Variants in WDR3 observed in about 807,000 individuals in gnomAD.
WDR3 encodes WD repeat domain 3.
In WDR3, 81 loss-of-function variants were observed where a neutral mutation model predicts 123.7. The ratio of observed to expected loss-of-function variants is 0.65; its 90% CI spans 0.55 to 0.79. The LOEUF (loss-of-function observed/expected upper bound fraction) is 0.79. WDR3 is among the 30% of genes least tolerant of loss of function. The probability of loss-of-function intolerance (pLI) is 0.00; values close to 1 mark genes in which losing one functional copy is unlikely to be tolerated. For synonymous variants in WDR3, 390 were observed against 388.8 expected (o/e 1.00, Z -0.04); for missense variants, 1,027 against 1,123.2 (o/e 0.91, Z 1.22).
At chr1:117,959,085 C>G in intron 26 of WDR3, 82 bp downstream of exon 26, 1 of 1,405,916 alleles carries the variant, frequency 7.1e-7, no homozygotes, top group Non-Finnish European at 9.9e-7. Context: ...TGTGCTTTGT[C>G]TTTAGCAATA....
intron 9 of WDR3, 92 bp downstream of exon 9, chr1:117,941,939 C>T: frequency 6.9e-7 from 1 of 1,453,762 alleles, no homozygotes; most frequent in South Asian, 1.5e-5. Flanking sequence ...TATTTACTGT[C>T]TTATCAATTA....
intron 6 of WDR3, among the ~76,000 whole-genome samples, chr1:117,940,446 A>G (rs1168791495): frequency 6.6e-6 from 1 of 152,188 alleles, no homozygotes; most frequent in Non-Finnish European, 1.5e-5. Context: ...CTCCTGGGCC[A>G]GGCACAGTGG....
At chr1:117,949,192 C>T (rs1349575584) in intron 13 of WDR3, among the ~76,000 whole-genome samples, 3 of 151,934 alleles carry the variant, frequency 2.0e-5, no homozygotes, top group African/African-American at 7.3e-5. Flanking sequence ...CTATCTTTTC[C>T]ATAAACTGTG....
chr1:117,953,146 C>A, intron 20 of WDR3, 150 bp downstream of exon 20: 1 of 1,008,814 alleles, frequency 9.9e-7, no homozygotes, highest in Non-Finnish European at 1.4e-6. Flanking sequence ...GTAATTCTTT[C>A]TCTTCAACTG....
At chr1:117,955,535 G>A (rs765479249) in intron 24 of WDR3, among the ~76,000 whole-genome samples, 177 bp downstream of exon 24, 7 of 152,128 alleles carry the variant, frequency 4.6e-5, no homozygotes, top group Non-Finnish European at 8.8e-5. Flanking sequence ...GAACTAGGAA[G>A]TTCCTTCTAA....
intron 3 of WDR3, 93 bp downstream of exon 3, chr1:117,934,775 AATGG>A: frequency 7.7e-7 from 1 of 1,298,916 alleles, no homozygotes; most frequent in Non-Finnish European, 1.1e-6. Context: ...CAGGTAAAAC[AATGG>A]GCTGTCAATA....
chr1:117,963,750 T>A lies in WDR3; in HGVS notation c.*4303T>A, dbSNP rs3738421. On this transcript the variant is annotated 3_prime_UTR_variant, in exon 27 of 27. Transcript: ENST00000349139. Reference sequence around the variant, plus strand: ...GGGAAGAAACCTGGGGTCTAATACCTCAAATTTGAATGCTTGACAATCAAA... The same window carrying A: ...GGGAAGAAACCTGGGGTCTAATACCACAAATTTGAATGCTTGACAATCAAA... 26,262 of 1,560,698 alleles carry A rather than the reference T, an allele frequency of 0.017. 875 individuals are homozygous for A. Among genetic ancestry groups the A allele is most frequent in the South Asian group, 0.11 (9,434 of 85,820 alleles).
Position 117,955,356 on chromosome 1 carries a change from G to A in WDR3, c.2451G>A (p.Ser817=), listed in dbSNP as rs145648133. The change falls in exon 24 of 27, where the codon TCG becomes TCA. Residue 817 remains serine, a splice_region_variant and synonymous_variant. Coordinates refer to ENST00000349139, the MANE Select transcript of WDR3 (RefSeq NM_006784.3). ...YVLEIFKGIK[S]SELEESLLVL... is the part of the protein sequence containing the mutation. Reference sequence around the variant, plus strand: ...TAGAGATTTTTAAAGGGATCAAGTCGAGGTGAGTGAGTCCTTGCGCACAAT... The same window carrying A: ...TAGAGATTTTTAAAGGGATCAAGTCAAGGTGAGTGAGTCCTTGCGCACAAT... 2.5e-4 allele frequency: 403 copies of A among 1,611,970 alleles called. No individual in the cohort carries two copies. The highest frequency in any genetic ancestry group is 3.3e-4 in the Non-Finnish European group (389 of 1,178,752).
At position 117,959,315 on chromosome 1, in the gene WDR3, T is replaced by C. The variant is rs200311888; in HGVS notation, c.2700T>C (p.Ala900=). The C allele has an allele frequency of 1.9e-5, 31 of 1,613,304 alleles. No individual in the cohort carries two copies. The highest frequency in any genetic ancestry group is 2.6e-5 in the Non-Finnish European group (31 of 1,179,834). The change falls in exon 27 of 27, where the codon GCT becomes GCC. Residue 900 remains alanine (A), a synonymous_variant. Transcript: ENST00000349139. ...QVRDVIGFNM[A]GLDYLKRECE... The stretch of plus-strand genomic sequence containing the variant: ...AGGATGTTATCGGCTTCAATATGGC[T>C]GGTCTTGATTATCTCAAGAGGGAAT...
rs539587711 is a variant in WDR3 at position 117,950,185 on chromosome 1, A to G, written c.1746+55A>G. 17 of 1,602,970 alleles carry G rather than the reference A, an allele frequency of 1.1e-5. No individual in the cohort carries two copies. The South Asian group carries it at 1.8e-4, about 17-fold the overall frequency. ...CCTTTCTGACTGACTGACCTTAAGA[A>G]TTTGGGTTGAGGCTATAAAGAAGTG... is the stretch of plus-strand genomic sequence containing the variant. On this transcript the variant is annotated intron_variant, in intron 15 of 26. Coordinates refer to ENST00000349139, the MANE Select transcript of WDR3 (RefSeq NM_006784.3).
At chr1:117,943,679 T>G in intron 11 of WDR3, 53 bp downstream of exon 11, 10 of 1,543,962 alleles carry the variant, frequency 6.5e-6, no homozygotes, top group Non-Finnish European at 8.8e-6. Context: ...TCTTTTAATT[T>G]TTTTTGGTAC....
intron 11 of WDR3, 120 bp downstream of exon 11, chr1:117,943,746 T>G (rs1651268635): frequency 1.1e-6 from 1 of 882,134 alleles, no homozygotes; most frequent in African/African-American, 1.7e-5. Context: ...CTTTAGTGCA[T>G]TTGGGCCATT....
At position 117,958,915 on chromosome 1, in the gene WDR3, A is replaced by C. The variant is rs574519386; in HGVS notation, c.2588A>C (p.His863Pro). 6.2e-7 allele frequency: 1 copy of C among 1,613,896 alleles called. No homozygotes were observed. Among genetic ancestry groups the C allele is most frequent in the African/African-American group, 1.3e-5 (1 of 75,024 alleles). Reference sequence around the variant, plus strand: ...GTGTTTTGTTTTTCTATCAGGATTCACTTTGGACAGATCACTAGCAATCAA... The same window carrying C: ...GTGTTTTGTTTTTCTATCAGGATTCCCTTTGGACAGATCACTAGCAATCAA... ...CRCLFFLLRI[H>P]FGQITSNQML... Residue 863 changes from histidine to proline, a missense_variant, in exon 26 of 27, where the codon CAC becomes CCC. Transcript: ENST00000349139.
At chr1:117,945,904 CA>C (rs1651362452) in intron 11 of WDR3, among the ~76,000 whole-genome samples, 181 bp from the exon 12 acceptor site, 1 of 152,126 alleles carries the variant, frequency 6.6e-6, no homozygotes, top group South Asian at 2.1e-4. Context: ...ATAAAGTAAA[CA>C]AAGTTTGGTG....
At chr1:117,930,677 G>C (rs1392204564) in intron 1 of WDR3, among the ~76,000 whole-genome samples, 1 of 152,228 alleles carries the variant, frequency 6.6e-6, no homozygotes, top group Non-Finnish European at 1.5e-5. Context: ...CAGTGATAAA[G>C]AGCTGGAACT....
chr1:117,944,982 C>T (rs1025885409), intron 11 of WDR3, among the ~76,000 whole-genome samples: 20 of 152,100 alleles, frequency 1.3e-4, no homozygotes, highest in African/African-American at 2.9e-4. Context: ...CATGAGCCAC[C>T]GCACCCAGCC....
intron 8 of WDR3, 128 bp downstream of exon 8, chr1:117,941,353 T>C: frequency 1.2e-6 from 1 of 829,374 alleles, no homozygotes; most frequent in Non-Finnish European, 1.9e-6. Context: ...TGGTACTGTG[T>C]GGACCTATAA....
intron 23 of WDR3, 93 bp from the exon 24 acceptor site, chr1:117,955,222 G>C: frequency 9.6e-7 from 1 of 1,036,960 alleles, no homozygotes; most frequent in South Asian, 1.6e-5. Context: ...AAGTAAGAAG[G>C]AGGGGTTCCT....
In WDR3 at chr1:117,964,132, T is replaced by G; in HGVS notation, c.*4685T>G. 1 of 538,076 alleles carries G rather than the reference T, an allele frequency of 1.9e-6. No individual in the cohort carries two copies. The highest frequency in any genetic ancestry group is 3.3e-6 in the Non-Finnish European group (1 of 305,022). 33.3% of individuals were successfully genotyped at this position (538,076 alleles called of 1,614,324 possible). A position where few individuals can be genotyped will look rare whatever the true frequency, so the allele number is the denominator to read the frequency against. ...TGGATATGCCAATGTCTAGAATGTC[T>G]TCTGTTCTCCCTAGTGTACATTTCT... On this transcript the variant is annotated 3_prime_UTR_variant, in exon 27 of 27. Transcript: ENST00000349139.
Sources: allele counts gnomAD v4.1 joint callset (sites outside exome capture counted in the v4.1 genomes callset), GRCh38; gene constraint gnomAD v4.1.1; transcripts MANE v1.5; gene names NCBI Gene and HGNC (gene_info 2026-07-23, HGNC 2026-07-21).